Variants in PRDM10 observed in about 807,000 individuals in gnomAD.
PRDM10 encodes the protein PR/SET domain 10, also known as PR domain zinc finger protein 10.
PRDM10 carries 65 observed loss-of-function variants against 133.1 expected under a neutral mutation model. The ratio of observed to expected loss-of-function variants is 0.49; its 90% CI spans 0.40 to 0.60. PRDM10 has a LOEUF of 0.60. Ranked by LOEUF, PRDM10 falls within the 20% of genes least tolerant of loss-of-function variation. PRDM10 has a pLI of 0.00. For synonymous variants in PRDM10, 582 were observed against 580.4 expected, an observed-to-expected ratio of 1.00 and a Z score of -0.04; for missense variants, 1,137 against 1,507.1, an observed-to-expected ratio of 0.75 and a Z score of 4.07.
chr11:129,956,343 G>A (rs1306354611), intron 3 of PRDM10, among the ~76,000 whole-genome samples: 3 of 152,162 alleles, frequency 2.0e-5, no homozygotes, highest in East Asian at 1.9e-4. Flanking sequence ...CAAGGCAGGC[G>A]GATCACCTGA....
chr11:129,988,612 AGAG>A (rs941138638), intron 1 of PRDM10, among the ~76,000 whole-genome samples: 6 of 151,132 alleles, frequency 4.0e-5, no homozygotes, highest in South Asian at 2.1e-4. Flanking sequence ...AAAAAAAAAA[AGAG>A]GAGATGTTAA....
At chr11:129,988,496 T>G (rs954380380) in intron 1 of PRDM10, among the ~76,000 whole-genome samples, 2 of 152,002 alleles carry the variant, frequency 1.3e-5, no homozygotes, top group Admixed American at 1.3e-4. Context: ...CCTCCCAAAG[T>G]GCTGGGATTA....
chr11:129,967,746 G>T (rs2135939290), intron 1 of PRDM10, among the ~76,000 whole-genome samples: 1 of 152,304 alleles, frequency 6.6e-6, no homozygotes, highest in South Asian at 2.1e-4. Flanking sequence ...TGACAGTGAT[G>T]AAGAGTGAGG....
intron 3 of PRDM10, among the ~76,000 whole-genome samples, chr11:129,957,373 C>T (rs1951714253): frequency 6.6e-6 from 1 of 152,102 alleles, no homozygotes; most frequent in Admixed American, 6.5e-5. Flanking sequence ...GGCTGGAGTG[C>T]AGTGGCGCGA....
intron 1 of PRDM10, among the ~76,000 whole-genome samples, chr11:129,967,447 A>G (rs769869785): frequency 1.3e-5 from 2 of 152,078 alleles, no homozygotes; most frequent in Non-Finnish European, 2.9e-5. Flanking sequence ...AATTGGCAAG[A>G]TTTTTTCTTT....
intron 1 of PRDM10, among the ~76,000 whole-genome samples, chr11:129,971,564 A>C (rs1952025463): frequency 6.6e-6 from 1 of 152,152 alleles, no homozygotes; most frequent in South Asian, 2.1e-4. Flanking sequence ...CTAGATACAG[A>C]GTGCCCATAG....
rs151125176 is a variant in PRDM10 at position 129,968,853 on chromosome 11, A to G, written c.-118-7771T>C. ...AATATCTGCTGATGCACCCATCGAC[A>G]CTGCAATATAGAAACATAGCAAACG... On this transcript the variant is annotated intron_variant, in intron 1 of 20. Transcript: ENST00000360871. 7.3e-3 allele frequency among the ~76,000 whole-genome samples: 1,112 copies of G among 152,342 alleles called. 16 individuals are homozygous for G. The highest frequency in any genetic ancestry group is 0.025 in the African/African-American group (1,059 of 41,578).
At chr11:129,919,119 C>T (rs545873784) in intron 13 of PRDM10, among the ~76,000 whole-genome samples, 10 of 152,284 alleles carry the variant, frequency 6.6e-5, no homozygotes, top group Admixed American at 2.6e-4. Flanking sequence ...GCCTGTAATC[C>T]TAGCACTTTG....
At chr11:129,952,575 G>A (rs1434784098) in intron 4 of PRDM10, among the ~76,000 whole-genome samples, 1 of 152,090 alleles carries the variant, frequency 6.6e-6, no homozygotes, top group Non-Finnish European at 1.5e-5. Context: ...GGAGTGCAGA[G>A]TGGCTTAATC....
intron 13 of PRDM10, among the ~76,000 whole-genome samples, chr11:129,920,144 T>C (rs984671860): frequency 6.6e-6 from 1 of 152,120 alleles, no homozygotes; most frequent in African/African-American, 2.4e-5. Context: ...CTAGTTCCCG[T>C]CTATTCCCTT....
intron 4 of PRDM10, among the ~76,000 whole-genome samples, chr11:129,952,283 C>T (rs1951600576): frequency 2.0e-5 from 3 of 152,078 alleles, no homozygotes; most frequent in East Asian, 1.9e-4. Context: ...ATTTGCCTAT[C>T]GGATTGGCAA....
At chr11:129,909,779 T>C (rs146340075) in intron 19 of PRDM10, among the ~76,000 whole-genome samples, 1 of 152,324 alleles carries the variant, frequency 6.6e-6, no homozygotes, top group African/African-American at 2.4e-5. Flanking sequence ...AGCCTGCTAC[T>C]GTTTCCACAG....
intron 18 of PRDM10, 100 bp from the exon 19 acceptor site, chr11:129,910,756 T>C: frequency 2.8e-6 from 3 of 1,089,434 alleles, no homozygotes; most frequent in Non-Finnish European, 3.8e-6. Flanking sequence ...ATATGAATTA[T>C]AATACTGAAA....
Position 129,931,163 on chromosome 11 carries a change from G to A in PRDM10, c.1383C>T (p.Ile461=). 1.9e-6 allele frequency: 3 copies of A among 1,614,224 alleles called. No homozygotes were observed. The highest frequency in any genetic ancestry group is 1.1e-5 in the South Asian group (1 of 91,084). ...ACTGGGTTTCCTGTGGCAGCTGAGG[G>A]ATTGGGATAGTGGTCTGTTCTGGTT... The part of the protein sequence containing the change: ...LDQPEQTTIP[I]PQLPQETQSS... Residue 461 remains isoleucine (I), a synonymous_variant, in exon 11 of 21, where the codon ATC becomes ATT. Transcript: ENST00000360871.
Position 129,925,100 on chromosome 11 carries a change from A to G in PRDM10, c.1660T>C (p.Cys554Arg), listed in dbSNP as rs767464988. The change falls in exon 12 of 21, where the codon TGC becomes CGC. Residue 554 changes from cysteine to arginine, a missense_variant. This residue lies in a region of PRDM10 where 635 missense variants were observed against 835.2 expected (regional missense o/e 0.76). Coordinates refer to ENST00000360871, the MANE Select transcript of PRDM10 (RefSeq NM_199437.2). Reference sequence around the variant, plus strand: ...TTACAGAGATCACAGGTCAGTGGGCAGTTCCCCTCCCGCCCATGGAAGCGT... The same window carrying G: ...TTACAGAGATCACAGGTCAGTGGGCGGTTCCCCTCCCGCCCATGGAAGCGT... ...HLRFHGREGNCPLTCDLCNKG... is the reference protein window; with the variant it reads ...HLRFHGREGNRPLTCDLCNKG... 1.9e-6 allele frequency: 3 copies of G among 1,614,118 alleles called. No individual in the cohort carries two copies. In the South Asian group the frequency reaches 3.3e-5, roughly 18 times the overall value.
At chr11:129,932,292 C>A in intron 9 of PRDM10, 61 bp from the exon 10 acceptor site, 2 of 1,578,384 alleles carry the variant, frequency 1.3e-6, no homozygotes, top group Non-Finnish European at 8.7e-7. Context: ...TAACAAGTAG[C>A]GACCTAAATG....
intron 1 of PRDM10, among the ~76,000 whole-genome samples, chr11:129,984,299 T>C (rs1247150639): frequency 6.6e-6 from 1 of 152,198 alleles, no homozygotes; most frequent in Admixed American, 6.5e-5. Flanking sequence ...CTAGAATCTA[T>C]CTTTATTAGA....
intron 1 of PRDM10, among the ~76,000 whole-genome samples, chr11:129,969,349 G>T (rs959195334): frequency 6.6e-6 from 1 of 152,254 alleles, no homozygotes; most frequent in Admixed American, 6.5e-5. Context: ...GGCTGGATTT[G>T]CACATATTTG....
chr11:129,957,647 G>A (rs1228611747), intron 3 of PRDM10, 99 bp downstream of exon 3: 4 of 1,415,806 alleles, frequency 2.8e-6, no homozygotes, highest in Non-Finnish European at 2.9e-6. Flanking sequence ...AATACGTACT[G>A]CATCACCAGT....
Sources: allele counts gnomAD v4.1 joint callset (sites outside exome capture counted in the v4.1 genomes callset), GRCh38; gene constraint gnomAD v4.1.1; regional missense constraint gnomAD v4.1.1; transcripts MANE v1.5; gene names NCBI Gene and HGNC (gene_info 2026-07-23, HGNC 2026-07-21).